Variants in ACYP2 observed in about 807,000 individuals in gnomAD.
ACYP2 encodes acylphosphatase 2, also known as acylphosphatase-2.
Under a neutral mutation model 11.2 loss-of-function variants are expected in ACYP2, and 12 were observed. That is an observed-to-expected ratio of 1.08 (90% CI 0.69 to 1.74). ACYP2 has a LOEUF of 1.74. ACYP2 is among the 40% of genes most tolerant of loss of function. The pLI is 0.00. For synonymous variants in ACYP2, 43 were observed against 32.2 expected, an observed-to-expected ratio of 1.33 and a Z score of -1.13; for missense variants, 134 against 101.9, an observed-to-expected ratio of 1.31 and a Z score of -1.35.
At position 54,150,792 on chromosome 2, in the gene ACYP2, A is replaced by G. The variant is rs1259078005; in HGVS notation, c.404+12044A>G. 4.3e-5 allele frequency among the ~76,000 whole-genome samples: 6 copies of G among 140,972 alleles called. No homozygotes were observed. In the Admixed American group the frequency reaches 4.4e-4, roughly 10 times the overall value. The allele number at this position is 140,972 out of a possible 152,430, so 92.5% of individuals were successfully genotyped here. ...AGTCTTGCTCTGTCGCCCAGGCTAG[A>G]GGGCAGTGGTGCAATCTTGGCTGAC... is the stretch of plus-strand genomic sequence containing the variant. On this transcript the variant is annotated intron_variant, in intron 6 of 6. Transcript: ENST00000607452.
At chr2:54,271,224 A>G (rs1229966186) in intron 6 of ACYP2, among the ~76,000 whole-genome samples, 1 of 152,224 alleles carries the variant, frequency 6.6e-6, no homozygotes, top group Non-Finnish European at 1.5e-5. Context: ...AAAACTAATG[A>G]AAGGCCACAA....
intron 6 of ACYP2, among the ~76,000 whole-genome samples, chr2:54,286,268 C>G (rs568717467): frequency 1.3e-5 from 2 of 152,098 alleles, no homozygotes; most frequent in South Asian, 4.1e-4. Flanking sequence ...CCCTCGTGAT[C>G]TGGGAGCTGT....
chr2:54,035,452 A>G (rs1250166972), intron 2 of ACYP2, among the ~76,000 whole-genome samples: 1 of 151,684 alleles, frequency 6.6e-6, no homozygotes, highest in Non-Finnish European at 1.5e-5. Flanking sequence ...TTTTTAGTAG[A>G]GACGTGGTTT....
At chr2:54,090,059 C>G (rs1678144234) in intron 4 of ACYP2, among the ~76,000 whole-genome samples, 1 of 151,396 alleles carries the variant, frequency 6.6e-6, no homozygotes, top group South Asian at 2.1e-4. Context: ...TCAGGTGAAT[C>G]TCTTAAACCC....
At chr2:54,114,280 G>C (rs1025813570) in intron 4 of ACYP2, among the ~76,000 whole-genome samples, 1 of 151,028 alleles carries the variant, frequency 6.6e-6, no homozygotes, top group East Asian at 2.0e-4. Context: ...TGGAGTGGTG[G>C]ATGGTTTTAT....
rs180983199 is a variant in ACYP2, at chr2:54,071,186, A to G, written c.277+13826A>G. On this transcript the variant is annotated intron_variant, in intron 4 of 6. Coordinates refer to ENST00000607452, the MANE Select transcript of ACYP2 (RefSeq NM_001320586.2). ...AAAACCCACAGATAACATCACGCTT[A>G]ATAGTGAAAGGCTGAAAGCTTTCCT... Among the ~76,000 whole-genome samples, 41 of 152,352 alleles carry G rather than the reference A, an allele frequency of 2.7e-4. 1 individual carries two copies. The highest frequency in any genetic ancestry group is 9.6e-4 in the African/African-American group (40 of 41,590).
intron 4 of ACYP2, among the ~76,000 whole-genome samples, chr2:54,062,516 A>C (rs577701092): frequency 7.9e-4 from 121 of 152,348 alleles, no homozygotes; most frequent in African/African-American, 2.6e-3. Context: ...TATCATTAAC[A>C]TATTTTCCAT....
chr2:54,220,498 G>C (rs931217381), intron 6 of ACYP2, among the ~76,000 whole-genome samples: 23 of 152,070 alleles, frequency 1.5e-4, no homozygotes, highest in African/African-American at 1.9e-4. Flanking sequence ...AGGTGTGCTG[G>C]AGCATTTCCC....
chr2:54,247,301 G>C lies in ACYP2; in HGVS notation c.405-57387G>C, dbSNP rs545255165. Among the ~76,000 whole-genome samples the C allele has an allele frequency of 5.9e-5, 9 of 152,224 alleles. No individual in the cohort carries two copies. In the South Asian group the frequency reaches 1.7e-3, roughly 28 times the overall value. On this transcript the variant is annotated intron_variant, in intron 6 of 6. Transcript: ENST00000607452. ...CTGACAAGCCAAGTTTATCTTAGGAGAGTTCTAGACAGTGACATAATCCCT... is the reference window on the plus strand; with the variant it reads ...CTGACAAGCCAAGTTTATCTTAGGACAGTTCTAGACAGTGACATAATCCCT...
intron 6 of ACYP2, among the ~76,000 whole-genome samples, chr2:54,297,949 T>G (rs1274947011): frequency 6.6e-6 from 1 of 152,202 alleles, no homozygotes; most frequent in East Asian, 1.9e-4. Context: ...AAGGACTGGA[T>G]GAAATTATGC....
intron 4 of ACYP2, among the ~76,000 whole-genome samples, chr2:54,089,685 A>G (rs1174208779): frequency 6.6e-6 from 1 of 152,012 alleles, no homozygotes; most frequent in East Asian, 1.9e-4. Context: ...GGTTGCAGTG[A>G]GCCGTGACTG....
rs570629953 is a variant in ACYP2 at position 53,992,164 on chromosome 2, CTACT to C, written c.62+18356_62+18359del. 4.2e-4 allele frequency among the ~76,000 whole-genome samples: 59 copies of C among 140,314 alleles called. No individual in the cohort carries two copies. The East Asian group carries it at 0.011, about 25-fold the overall frequency. The allele number at this position is 140,314 out of a possible 152,430, so 92.1% of individuals were successfully genotyped here. On this transcript the variant is annotated intron_variant, in intron 2 of 6. Transcript: ENST00000607452. The stretch of plus-strand genomic sequence containing the variant: ...CTTCCTTTCTTTCTTTCCTTCCTTC[CTACT>C]TTTTTTCTTCCTTCCTTCTTTCTCC...
intron 6 of ACYP2, among the ~76,000 whole-genome samples, chr2:54,231,380 A>T (rs1034983117): frequency 6.6e-6 from 1 of 152,246 alleles, no homozygotes; most frequent in Non-Finnish European, 1.5e-5. Context: ...ACTAAGATAT[A>T]GCATGCATCC....
rs373427717 is a variant in ACYP2, at chr2:54,115,740, G to A, written c.278-19713G>A. 137 of 1,612,780 alleles carry A rather than the reference G, an allele frequency of 8.5e-5. 1 individual carries two copies. Among genetic ancestry groups the A allele is most frequent in the Non-Finnish European group, 1.1e-4 (129 of 1,179,562 alleles). On this transcript the variant is annotated intron_variant, in intron 4 of 6. Transcript: ENST00000607452. ...CACTCAAATCCGTGGACTACGAGGT[G>A]TTCGGAAGAGTGCAGGGTAGGAGGC...
chr2:54,217,961 G>A (rs958052585), intron 6 of ACYP2, among the ~76,000 whole-genome samples: 7 of 151,918 alleles, frequency 4.6e-5, no homozygotes, highest in Non-Finnish European at 1.0e-4. Context: ...TTACCTTCTG[G>A]TAATATTGCT....
intron 6 of ACYP2, among the ~76,000 whole-genome samples, chr2:54,145,278 AT>A (rs1380084896): frequency 6.6e-6 from 1 of 152,204 alleles, no homozygotes; most frequent in East Asian, 1.9e-4. Flanking sequence ...GACATGATAT[AT>A]TTTGGATTGA....
intron 6 of ACYP2, among the ~76,000 whole-genome samples, chr2:54,287,450 C>G (rs1689125459): frequency 6.6e-6 from 1 of 151,948 alleles, no homozygotes; most frequent in Admixed American, 6.5e-5. Flanking sequence ...TAGGTGAGAT[C>G]TAATTTCCTT....
At chr2:54,040,563 G>A (rs1427198466) in intron 2 of ACYP2, among the ~76,000 whole-genome samples, 1 of 152,156 alleles carries the variant, frequency 6.6e-6, no homozygotes, top group Non-Finnish European at 1.5e-5. Context: ...AGGTCAGAGA[G>A]ATGAACAGGA....
At chr2:54,093,764 A>C (rs1317399058) in intron 4 of ACYP2, among the ~76,000 whole-genome samples, 2 of 151,834 alleles carry the variant, frequency 1.3e-5, no homozygotes, top group Admixed American at 6.6e-5. Context: ...CACGGTGAAA[A>C]CCCGTCTCTA....
Sources: gnomAD v4.1 joint callset for allele counts (sites outside exome capture counted in the v4.1 genomes callset) on GRCh38, gnomAD v4.1.1 for gene constraint, MANE v1.5 for transcripts, NCBI Gene and HGNC (gene_info 2026-07-23, HGNC 2026-07-21) for gene names.